The following KCNIP4 variants were observed in gnomAD, a reference collection of about 807,000 sequenced individuals.
KCNIP4 encodes the protein Kv channel-interacting protein 4.
A neutral mutation model predicts 34.0 loss-of-function variants in KCNIP4; 12 were observed. The observed-to-expected ratio is 0.35, with a 90% CI of 0.23 to 0.57. The LOEUF is 0.57. KCNIP4 is among the 20% of genes least tolerant of loss of function. The probability of loss-of-function intolerance (pLI) is 0.83; values close to 1 mark genes in which losing one functional copy is unlikely to be tolerated. For missense variants in KCNIP4, 238 were observed against 311.7 expected, an observed-to-expected ratio of 0.76 and a Z score of 1.78; for synonymous variants, 124 against 102.2, an observed-to-expected ratio of 1.21 and a Z score of -1.29.
intron 3 of KCNIP4, among the ~76,000 whole-genome samples, chr4:20,811,632 A>G (rs1010126105): frequency 1.3e-5 from 2 of 152,176 alleles, no homozygotes; most frequent in African/African-American, 4.8e-5. Context: ...TGTGTTTTTA[A>G]ATAAAGAACA....
intron 1 of KCNIP4, among the ~76,000 whole-genome samples, chr4:21,730,825 A>G (rs574541101): frequency 6.6e-6 from 1 of 152,224 alleles, no homozygotes; most frequent in Admixed American, 6.5e-5. Context: ...TTAAGAGTCG[A>G]TTCTAGGCTG....
intron 1 of KCNIP4, among the ~76,000 whole-genome samples, chr4:21,223,132 G>C (rs1391799738): frequency 6.6e-6 from 1 of 152,250 alleles, no homozygotes; most frequent in Non-Finnish European, 1.5e-5. Context: ...TATCTGATGG[G>C]TCCAGACAAA....
intron 1 of KCNIP4, among the ~76,000 whole-genome samples, chr4:21,599,862 G>A (rs1404130513): frequency 6.6e-6 from 1 of 152,050 alleles, no homozygotes; most frequent in Non-Finnish European, 1.5e-5. Context: ...ATTGGAGGCA[G>A]GCCCAAAGGA....
At chr4:20,816,914 G>A (rs2149439977) in intron 3 of KCNIP4, among the ~76,000 whole-genome samples, 1 of 152,180 alleles carries the variant, frequency 6.6e-6, no homozygotes, top group South Asian at 2.1e-4. Context: ...GTCAGGCAGT[G>A]GATTGTCTAA....
chr4:21,463,193 T>C (rs1729623699), intron 1 of KCNIP4, among the ~76,000 whole-genome samples: 1 of 152,166 alleles, frequency 6.6e-6, no homozygotes, highest in Non-Finnish European at 1.5e-5. Context: ...CTTTTGTATT[T>C]TTGATAGAAG....
At position 21,948,741 on chromosome 4, in the gene KCNIP4, G is replaced by C. The variant is rs1730645552; in HGVS notation, c.-110C>G. 1 of 1,240,166 alleles carries C rather than the reference G, an allele frequency of 8.1e-7. No homozygotes were observed. Among genetic ancestry groups the C allele is most frequent in the Non-Finnish European group, 1.0e-6 (1 of 977,876 alleles). 76.8% of individuals were successfully genotyped at this position (1,240,166 alleles called of 1,614,324 possible). On this transcript the variant is annotated 5_prime_UTR_variant, in exon 1 of 9. Coordinates refer to ENST00000382152, the MANE Select transcript of KCNIP4 (RefSeq NM_025221.6). ...GCCGCTCGGCCCGGGGGCGTCCGTG[G>C]CGCTGGGAGCGAGAGCTTCGGCGGC...
At chr4:21,874,666 A>G (rs1056013021) in intron 1 of KCNIP4, among the ~76,000 whole-genome samples, 1 of 152,036 alleles carries the variant, frequency 6.6e-6, no homozygotes, top group African/African-American at 2.4e-5. Flanking sequence ...ACACCATTCT[A>G]TTTTGCTTCT....
At chr4:21,908,304 G>A (rs933263573) in intron 1 of KCNIP4, among the ~76,000 whole-genome samples, 2 of 151,836 alleles carry the variant, frequency 1.3e-5, no homozygotes, top group Non-Finnish European at 2.9e-5. Context: ...ATTGCTCCAA[G>A]AGGCAACATT....
Position 21,776,129 on chromosome 4 carries a change from G to C in KCNIP4, c.61+172442C>G, listed in dbSNP as rs142207850. On this transcript the variant is annotated intron_variant, in intron 1 of 8. Coordinates refer to ENST00000382152, the MANE Select transcript of KCNIP4 (RefSeq NM_025221.6). ...TGCACAGTTCCGTGGAAAAAGCACA[G>C]TTTCCCCAGCTGGGTAGCATGCTCA... 4.3e-3 allele frequency among the ~76,000 whole-genome samples: 652 copies of C among 152,326 alleles called. 3 individuals are homozygous for C. Among genetic ancestry groups the C allele is most frequent in the African/African-American group, 0.015 (606 of 41,578 alleles).
intron 3 of KCNIP4, among the ~76,000 whole-genome samples, chr4:20,770,784 A>T (rs182706165): frequency 1.4e-4 from 22 of 152,136 alleles, no homozygotes; most frequent in Non-Finnish European, 2.9e-4. Flanking sequence ...AAATACAAAA[A>T]ATTAGCCCTG....
At chr4:21,646,420 T>C (rs1747027486) in intron 1 of KCNIP4, among the ~76,000 whole-genome samples, 1 of 152,340 alleles carries the variant, frequency 6.6e-6, no homozygotes, top group South Asian at 2.1e-4. Flanking sequence ...TTGTCTTTGT[T>C]GGTATAAAGA....
At chr4:20,854,195 G>A (rs947013624) in intron 2 of KCNIP4, among the ~76,000 whole-genome samples, 7 of 152,168 alleles carry the variant, frequency 4.6e-5, no homozygotes, top group Admixed American at 2.6e-4. Flanking sequence ...GCACATGCAC[G>A]TTTACAGCGG....
intron 1 of KCNIP4, among the ~76,000 whole-genome samples, chr4:21,469,409 C>T (rs1350358678): frequency 6.6e-6 from 1 of 152,084 alleles, no homozygotes; most frequent in Non-Finnish European, 1.5e-5. Context: ...GACTTCTTCC[C>T]AAGTTAATCA....
chr4:21,144,230 G>A (rs1190886027), intron 1 of KCNIP4, among the ~76,000 whole-genome samples: 1 of 152,092 alleles, frequency 6.6e-6, no homozygotes, highest in Non-Finnish European at 1.5e-5. Context: ...TATGTGAGTG[G>A]TACTTTAAAT....
intron 1 of KCNIP4, among the ~76,000 whole-genome samples, chr4:21,285,627 G>A (rs1560253190): frequency 6.6e-6 from 1 of 151,960 alleles, no homozygotes; most frequent in Non-Finnish European, 1.5e-5. Flanking sequence ...TCATGAGTTC[G>A]AGATCAGCCT....
chr4:21,228,197 C>T (rs575460967), intron 1 of KCNIP4, among the ~76,000 whole-genome samples: 124 of 152,014 alleles, frequency 8.2e-4, no homozygotes, highest in Non-Finnish European at 1.6e-3. Context: ...AGTGGGAGGT[C>T]ATTGAATCAT....
chr4:20,813,983 G>GT (rs1430018447), intron 3 of KCNIP4, among the ~76,000 whole-genome samples: 31 of 152,188 alleles, frequency 2.0e-4, no homozygotes, highest in Admixed American at 1.3e-4. Flanking sequence ...AAATGCAGAG[G>GT]TATGAGCTGC....
chr4:21,635,651 G>A (rs923974711), intron 1 of KCNIP4, among the ~76,000 whole-genome samples: 22 of 152,134 alleles, frequency 1.4e-4, no homozygotes, highest in Non-Finnish European at 2.4e-4. Context: ...AGGTGCTGGA[G>A]AGGATGTGGA....
intron 1 of KCNIP4, among the ~76,000 whole-genome samples, chr4:21,665,789 T>C (rs1010356182): frequency 6.6e-6 from 1 of 152,158 alleles, no homozygotes. Context: ...GGATACAGAA[T>C]TCTCTCTGTT....
Sources: gnomAD v4.1 joint callset for allele counts (sites outside exome capture counted in the v4.1 genomes callset) on GRCh38, gnomAD v4.1.1 for gene constraint, MANE v1.5 for transcripts, NCBI Gene and HGNC (gene_info 2026-07-23, HGNC 2026-07-21) for gene names.